VTI1A: variants seen among roughly 807,000 people sequenced by gnomAD.
VTI1A encodes vesicle transport through interaction with t-SNAREs homolog 1A.
In VTI1A, 22 loss-of-function variants were observed where a neutral mutation model predicts 34.9. The observed-to-expected ratio is 0.63, with a 90% CI of 0.45 to 0.90. VTI1A has a LOEUF of 0.90. VTI1A is among the 40% of genes least tolerant of loss of function. The probability of loss-of-function intolerance (pLI) is 0.00; values close to 1 mark genes in which losing one functional copy is unlikely to be tolerated. For missense variants in VTI1A, 268 were observed against 275.6 expected (o/e 0.97, Z 0.20); for synonymous variants, 87 against 97.3 (o/e 0.89, Z 0.62).
intron 7 of VTI1A, among the ~76,000 whole-genome samples, chr10:112,791,208 T>C (rs1483848137): frequency 6.6e-6 from 1 of 152,192 alleles, no homozygotes; most frequent in African/African-American, 2.4e-5. Flanking sequence ...TTGTTTCACT[T>C]TCATTTATCT....
chr10:112,537,396 C>G (rs1188081215), intron 4 of VTI1A, among the ~76,000 whole-genome samples: 3 of 138,128 alleles, frequency 2.2e-5, no homozygotes, highest in Non-Finnish European at 4.6e-5. Context: ...GTTTGGCAAC[C>G]TGAATAGATC....
rs745947052 is a variant in VTI1A, at chr10:112,794,517, A to T, written c.561-20773A>T. 2.0e-5 allele frequency among the ~76,000 whole-genome samples: 3 copies of T among 152,200 alleles called. No homozygotes were observed. The East Asian group carries it at 5.8e-4, about 29-fold the overall frequency. On this transcript the variant is annotated intron_variant, in intron 7 of 7. Transcript: ENST00000393077. ...CAATGAGCTATAATCACGCTGTTGC[A>T]CTCCAGCCTGGGCAACAGAGTGAGA...
At chr10:112,515,897 C>T (rs1378513212) in intron 3 of VTI1A, among the ~76,000 whole-genome samples, 2 of 152,134 alleles carry the variant, frequency 1.3e-5, no homozygotes, top group African/African-American at 4.8e-5. Flanking sequence ...ACAAGATGTG[C>T]GATCTATAGT....
At chr10:112,592,060 A>G (rs2134436302) in intron 5 of VTI1A, among the ~76,000 whole-genome samples, 1 of 152,318 alleles carries the variant, frequency 6.6e-6, no homozygotes, top group Middle Eastern at 3.4e-3. Flanking sequence ...GTAAGGGGCC[A>G]AGAGAGTTCG....
At position 112,736,115 on chromosome 10, in the gene VTI1A, A is replaced by ATATATATG. The variant is rs1257441505; in HGVS notation, c.560+67124_560+67125insGTATATAT. 3.5e-5 allele frequency among the ~76,000 whole-genome samples: 5 copies of ATATATATG among 141,656 alleles called. No individual in the cohort carries two copies. In the East Asian group the frequency reaches 1.0e-3, roughly 29 times the overall value. The allele number at this position is 141,656 out of a possible 152,430, so 92.9% of individuals were successfully genotyped here. On this transcript the variant is annotated intron_variant, in intron 7 of 7. Coordinates refer to ENST00000393077, the MANE Select transcript of VTI1A (RefSeq NM_145206.4). ...TTTACATATATATGTGTGTGTGTATATATATATATATATATATATATATGT... is the reference window on the plus strand; with the variant it reads ...TTTACATATATATGTGTGTGTGTATATATATATGTATATATATATATATATATATATGT...
At chr10:112,719,089 GGAAA>G in intron 7 of VTI1A, among the ~76,000 whole-genome samples, 1 of 152,256 alleles carries the variant, frequency 6.6e-6, no homozygotes, top group East Asian at 1.9e-4. Flanking sequence ...CTGTAGAGAA[GGAAA>G]GACTTTTATC....
chr10:112,592,294 G>T (rs772969414), intron 5 of VTI1A, among the ~76,000 whole-genome samples: 1 of 152,138 alleles, frequency 6.6e-6, no homozygotes, highest in African/African-American at 2.4e-5. Flanking sequence ...TCATAAATAT[G>T]TACTGTTTTA....
At chr10:112,618,962 A>G (rs1282641854) in intron 5 of VTI1A, among the ~76,000 whole-genome samples, 6 of 152,150 alleles carry the variant, frequency 3.9e-5, no homozygotes, top group African/African-American at 1.2e-4. Context: ...CAATCAACCA[A>G]TTATTAATTA....
chr10:112,491,329 T>C (rs916359202), intron 3 of VTI1A, among the ~76,000 whole-genome samples: 4 of 152,238 alleles, frequency 2.6e-5, no homozygotes, highest in African/African-American at 9.6e-5. Flanking sequence ...ACCTGACTAA[T>C]CTCAGTGAAG....
At chr10:112,597,779 G>A (rs944254566) in intron 5 of VTI1A, among the ~76,000 whole-genome samples, 2 of 137,218 alleles carry the variant, frequency 1.5e-5, no homozygotes, top group Non-Finnish European at 3.1e-5. Context: ...CTCACTGCAA[G>A]CTCCGCCTCC....
chr10:112,448,386 T>C (rs1478882106), intron 1 of VTI1A: 2 of 152,218 alleles, frequency 1.3e-5, no homozygotes, highest in Non-Finnish European at 2.9e-5. Flanking sequence ...TTTTAGCACA[T>C]CTTATTTTCT....
chr10:112,657,629 A>G (rs1183850260), intron 5 of VTI1A, among the ~76,000 whole-genome samples: 1 of 152,196 alleles, frequency 6.6e-6, no homozygotes, highest in African/African-American at 2.4e-5. Flanking sequence ...CGAAGACCCA[A>G]GTCTAAGAAC....
rs78060875 is a variant in VTI1A, at chr10:112,465,371, C to T, written c.264+714C>T. Among the ~76,000 whole-genome samples the T allele has an allele frequency of 1.6e-3, 240 of 152,152 alleles. 1 individual carries two copies. Among genetic ancestry groups the T allele is most frequent in the African/African-American group, 5.5e-3 (229 of 41,464 alleles). On this transcript the variant is annotated intron_variant, in intron 3 of 7. Transcript: ENST00000393077. ...CCACTCCTGAGTATATGTCCAAAAA[C>T]AAATTGAAAGCAGAGTCTCAGAGAG...
the VTI1A span, among the ~76,000 whole-genome samples, chr10:112,830,256 C>T: frequency 6.6e-6 from 1 of 152,032 alleles, no homozygotes; most frequent in Non-Finnish European, 1.5e-5. Context: ...TTCCCATGGC[C>T]CGTCCAGCCT....
At chr10:112,552,769 A>G (rs1851406583) in intron 5 of VTI1A, among the ~76,000 whole-genome samples, 2 of 152,070 alleles carry the variant, frequency 1.3e-5, no homozygotes, top group African/African-American at 4.8e-5. Context: ...TTTTCTTCCT[A>G]CTTGGGCTTC....
chr10:112,841,100 C>G, the VTI1A span, among the ~76,000 whole-genome samples: 1 of 152,036 alleles, frequency 6.6e-6, no homozygotes, highest in African/African-American at 2.4e-5. Flanking sequence ...GTAGGCACAC[C>G]CCCCAGAGCG....
At chr10:112,607,329 G>T (rs2134497794) in intron 5 of VTI1A, among the ~76,000 whole-genome samples, 1 of 152,074 alleles carries the variant, frequency 6.6e-6, no homozygotes, top group East Asian at 1.9e-4. Context: ...AGATTGAGTG[G>T]CTGTCCAAGA....
chr10:112,566,767 C>T (rs1210385619), intron 5 of VTI1A, among the ~76,000 whole-genome samples: 3 of 152,018 alleles, frequency 2.0e-5, no homozygotes, highest in Non-Finnish European at 4.4e-5. Context: ...TTGCATGCTC[C>T]GGGTCATAAA....
intron 5 of VTI1A, among the ~76,000 whole-genome samples, chr10:112,546,034 ATGTGTGTG>A (rs1491310591): frequency 1.4e-5 from 2 of 143,328 alleles, no homozygotes; most frequent in African/African-American, 5.5e-5. Context: ...GTATACGCGT[ATGTGTGTG>A]TATATACGTG....
Sources: allele counts gnomAD v4.1 joint callset (sites outside exome capture counted in the v4.1 genomes callset), GRCh38; gene constraint gnomAD v4.1.1; transcripts MANE v1.5; gene names NCBI Gene and HGNC (gene_info 2026-07-23, HGNC 2026-07-21).